Variants in ZSCAN30 observed in about 807,000 individuals in gnomAD.
ZSCAN30 encodes the protein zinc finger and SCAN domain containing 30.
ZSCAN30 carries 37 observed loss-of-function variants against 44.3 expected under a neutral mutation model. The observed-to-expected ratio is 0.84, with a 90% CI of 0.64 to 1.10. The LOEUF (loss-of-function observed/expected upper bound fraction) is 1.10. Ranked by LOEUF, ZSCAN30 falls within the 50% of genes least tolerant of loss-of-function variation. ZSCAN30 has a pLI of 0.00. For missense variants in ZSCAN30, 549 were observed against 582.6 expected (o/e 0.94, Z 0.59); for synonymous variants, 181 against 204.6 (o/e 0.88, Z 0.98).
At chr18:35,268,235 A>C (rs937723819) in intron 1 of ZSCAN30, 1 of 152,342 alleles carries the variant, frequency 6.6e-6, no homozygotes, top group Non-Finnish European at 1.5e-5. Flanking sequence ...AGAGTGTCAA[A>C]TACCAGGCTC....
At chr18:35,254,589 T>C in intron 3 of ZSCAN30, 1 of 813,386 alleles carries the variant, frequency 1.2e-6, no homozygotes, top group Non-Finnish European at 1.9e-6. Flanking sequence ...AGAAATGAAT[T>C]AGTATTGGAG....
Position 35,253,817 on chromosome 18 carries a change from A to C in ZSCAN30, c.1118T>G (p.Ile373Ser). 6.2e-7 allele frequency: 1 copy of C among 1,614,188 alleles called. No homozygotes were observed. The highest frequency in any genetic ancestry group is 2.2e-5 in the East Asian group (1 of 44,884). The change falls in exon 4 of 4, where the codon ATC becomes AGC. Residue 373 changes from isoleucine (I) to serine (S), a missense_variant. Coordinates refer to ENST00000333206, the MANE Select transcript of ZSCAN30 (RefSeq NM_001112734.4). ...GKAFRGSSEL[I>S]RHRRIHTGEK... ...TCCAGTGTGGATTCTCCGATGCCTG[A>C]TGAGCTCTGAACTGCCCCTGAAGGC...
intron 3 of ZSCAN30, chr18:35,257,507 A>C: frequency 4.8e-6 from 1 of 206,498 alleles, no homozygotes; most frequent in Non-Finnish European, 9.8e-6. Flanking sequence ...CCACCACGTG[A>C]GGACACAGTG....
chr18:35,253,648 A>C lies in ZSCAN30; in HGVS notation c.1287T>G (p.Ile429Met). 3 of 1,614,140 alleles carry C rather than the reference A, an allele frequency of 1.9e-6. No individual in the cohort carries two copies. Among genetic ancestry groups the C allele is most frequent in the Non-Finnish European group, 1.7e-6 (2 of 1,180,000 alleles). ...CTCCAGTGTGAATTCTTTGATGTTC[A>C]ATAAGGATAGAACTCCTACCAAAAG... Reference protein sequence around the residue: ...GKAFGRSSILIEHQRIHTGEK... With the variant: ...GKAFGRSSILMEHQRIHTGEK... Residue 429 changes from isoleucine to methionine, a missense_variant, in exon 4 of 4, where the codon ATT becomes ATG. By Grantham distance (10) the Ile-to-Met change is conservative. Coordinates refer to ENST00000333206, the MANE Select transcript of ZSCAN30 (RefSeq NM_001112734.4).
rs376176515 is a variant in ZSCAN30, at chr18:35,264,166, G to A, written c.187C>T (p.Arg63Trp). 6.3e-5 allele frequency: 101 copies of A among 1,614,122 alleles called. No homozygotes were observed. The highest frequency in any genetic ancestry group is 7.9e-5 in the Non-Finnish European group (93 of 1,180,052). ...TCTCGCAGCCGGCTCAGAGCCTCCC[G>A]AGGGCCAGTGGAGTCAGAGTAACTA... is the stretch of plus-strand genomic sequence containing the variant. ...QFSYSDSTGP[R>W]EALSRLRELC... Residue 63 changes from arginine (R) to tryptophan (W), a missense_variant, in exon 2 of 4, where the codon CGG becomes TGG. Coordinates refer to ENST00000333206, the MANE Select transcript of ZSCAN30 (RefSeq NM_001112734.4).
Position 35,258,956 on chromosome 18 carries a change from C to A in ZSCAN30, c.553+4557G>T, listed in dbSNP as rs972966966. On this transcript the variant is annotated intron_variant, in intron 3 of 3. Transcript: ENST00000333206. ...AAGTATAGATTGTGTTTTATGAGGA[C>A]TCTGTAAACTAAAGAAAGTGGATTA... The A allele has an allele frequency of 2.1e-5, 3 of 143,232 alleles. No homozygotes were observed. In the Admixed American group the frequency reaches 2.2e-4, roughly 10 times the overall value. The allele number at this position is 143,232 out of a possible 1,614,324, so 8.9% of individuals were successfully genotyped here.
Position 35,253,522 on chromosome 18 carries a change from A to C in ZSCAN30, c.1413T>G (p.Cys471Trp). 6.2e-7 allele frequency: 1 copy of C among 1,612,896 alleles called. No individual in the cohort carries two copies. Among genetic ancestry groups the C allele is most frequent in the Non-Finnish European group, 8.5e-7 (1 of 1,179,106 alleles). The change falls in exon 4 of 4, where the codon TGT becomes TGG. Residue 471 changes from cysteine to tryptophan, a missense_variant. Cys to Trp is a radical substitution (Grantham distance 215). Transcript: ENST00000333206. ...GCCTAAATGTTTTTCTACATTCACT[A>C]CATTCATAAGGCTTCTCTCCAGTGT... The part of the protein sequence containing the change: ...RIHTGEKPYE[C>W]SECRKTFRHR...
intron 3 of ZSCAN30, chr18:35,262,212 G>C (rs902205018): frequency 6.6e-6 from 1 of 152,176 alleles, no homozygotes; most frequent in African/African-American, 2.4e-5. Flanking sequence ...CTGAACAAAT[G>C]CAATTTTCTT....
Position 35,264,132 on chromosome 18 carries a change from C to G in ZSCAN30, c.221G>C (p.Cys74Ser). ...EALSRLRELC[C>S]QWLRPEVHSK... ...GTGCACCTCCGGCCTCAACCACTGA[C>G]AGCAAAGCTCTCGCAGCCGGCTCAG... The change falls in exon 2 of 4, where the codon TGT (cysteine) becomes TCT (serine). Residue 74 changes from cysteine to serine, a missense_variant. Transcript: ENST00000333206. The G allele has an allele frequency of 1.2e-6, 2 of 1,614,220 alleles. No homozygotes were observed. The highest frequency in any genetic ancestry group is 1.3e-5 in the African/African-American group (1 of 75,062).
chr18:35,260,800 T>C (rs980467085), intron 3 of ZSCAN30: 2 of 152,212 alleles, frequency 1.3e-5, no homozygotes, highest in African/African-American at 4.8e-5. Flanking sequence ...TCCCATTCTG[T>C]ACATTGTCTG....
chr18:35,279,110 TACTC>T (rs976902648), intron 1 of ZSCAN30, among the ~76,000 whole-genome samples: 2 of 152,204 alleles, frequency 1.3e-5, no homozygotes, highest in African/African-American at 4.8e-5. Flanking sequence ...CTCAATCACT[TACTC>T]AATTCCAAAG....
Position 35,279,241 on chromosome 18 carries a change from G to T in ZSCAN30, c.-104+10843C>A, listed in dbSNP as rs1598650192. Among the ~76,000 whole-genome samples the T allele has an allele frequency of 3.3e-5, 5 of 152,190 alleles. No individual in the cohort carries two copies. In the South Asian group the frequency reaches 1.0e-3, roughly 31 times the overall value. On this transcript the variant is annotated intron_variant, in intron 1 of 3. Transcript: ENST00000333206. ...TGGAGGTTAGAAGTACAAGATCAAG[G>T]TGCCAGCAGGGCCATACTCTCTCTG... is the stretch of plus-strand genomic sequence containing the variant.
At chr18:35,259,665 G>A (rs1005746672) in intron 3 of ZSCAN30, 5 of 154,156 alleles carry the variant, frequency 3.2e-5, no homozygotes, top group African/African-American at 1.2e-4. Flanking sequence ...TTCTGGCTGG[G>A]GGTTACAGCT....
chr18:35,280,474 G>A (rs2044437522), intron 1 of ZSCAN30, among the ~76,000 whole-genome samples: 1 of 152,060 alleles, frequency 6.6e-6, no homozygotes. Context: ...GATTTTTCAA[G>A]GTGATGCCAA....
chr18:35,265,159 T>A (rs1437168693), intron 1 of ZSCAN30, among the ~76,000 whole-genome samples: 5 of 149,872 alleles, frequency 3.3e-5, no homozygotes, highest in South Asian at 2.1e-4. Context: ...AAAAAAAAAA[T>A]TACGCCCATT....
At position 35,254,399 on chromosome 18, in the gene ZSCAN30, A is replaced by C. The variant is rs1277452567; in HGVS notation, c.554-18T>G. ...CCTGCCATCTAAAAATGTGAATAGA[A>C]AGTGTAAGTATCATTTACTTCCCAT... is the stretch of plus-strand genomic sequence containing the variant. On this transcript the variant is annotated intron_variant, in intron 3 of 3. Coordinates refer to ENST00000333206, the MANE Select transcript of ZSCAN30 (RefSeq NM_001112734.4). 1 of 1,613,934 alleles carries C rather than the reference A, an allele frequency of 6.2e-7. No individual in the cohort carries two copies. Among genetic ancestry groups the C allele is most frequent in the Admixed American group, 1.7e-5 (1 of 59,994 alleles).
At chr18:35,284,248 T>G (rs2044512548) in intron 1 of ZSCAN30, 1 of 152,388 alleles carries the variant, frequency 6.6e-6, no homozygotes, top group Non-Finnish European at 1.5e-5. Flanking sequence ...GCATGCTGAT[T>G]GGTCCATTGG....
rs377480730 is a variant in ZSCAN30, at chr18:35,254,208, C to A, written c.727G>T (p.Ala243Ser). The A allele has an allele frequency of 1.9e-6, 3 of 1,614,148 alleles. No individual in the cohort carries two copies. The highest frequency in any genetic ancestry group is 2.5e-6 in the Non-Finnish European group (3 of 1,180,012). Residue 243 changes from alanine (A) to serine (S), a missense_variant, in exon 4 of 4, where the codon GCA (alanine) becomes TCA (serine). Ala to Ser is a moderately conservative substitution (Grantham distance 99). Coordinates refer to ENST00000333206, the MANE Select transcript of ZSCAN30 (RefSeq NM_001112734.4). ...GGAAGCTGACTGATTTTGTTCCCTG[C>A]AGCATTTCCCTTTTGCTTCTTAGAG... ...DNSKKQKGNA[A>S]GNKISQLPSQ...
chr18:35,278,051 T>C (rs573548823), intron 1 of ZSCAN30, among the ~76,000 whole-genome samples: 3 of 152,252 alleles, frequency 2.0e-5, no homozygotes, highest in African/African-American at 7.2e-5. Flanking sequence ...GTTTAAAGAA[T>C]TTTCTAATTT....
Sources: gnomAD v4.1 joint callset for allele counts (sites outside exome capture counted in the v4.1 genomes callset) on GRCh38, gnomAD v4.1.1 for gene constraint, MANE v1.5 for transcripts, NCBI Gene and HGNC (gene_info 2026-07-23, HGNC 2026-07-21) for gene names.